The following PKD2 variants were observed in gnomAD, a reference collection of about 807,000 sequenced individuals.
PKD2 encodes the protein polycystin-2.
In PKD2, 48 loss-of-function variants were observed where a neutral mutation model predicts 105.9. The observed-to-expected ratio is 0.45, with a 90% CI of 0.36 to 0.58. The LOEUF is 0.58. PKD2 is among the 20% of genes least tolerant of loss of function. The pLI is 0.00. For missense variants in PKD2, 1,078 were observed against 1,255.3 expected (o/e 0.86, Z 2.13); for synonymous variants, 464 against 481.1 (o/e 0.96, Z 0.46).
Position 88,075,423 on chromosome 4 carries a change from C to G in PKD2, c.2671-35C>G, listed in dbSNP as rs1444255358. On this transcript the variant is annotated intron_variant, in intron 14 of 14. Coordinates refer to ENST00000237596, the MANE Select transcript of PKD2 (RefSeq NM_000297.4). ...GGACTTCCTAAGGCATTTCCTTCTACTGCCCCCAACACCAGTTTCTTTTTC... is the reference window on the plus strand; with the variant it reads ...GGACTTCCTAAGGCATTTCCTTCTAGTGCCCCCAACACCAGTTTCTTTTTC... 6 of 1,478,262 alleles carry G rather than the reference C, an allele frequency of 4.1e-6. No individual in the cohort carries two copies. The East Asian group carries it at 1.4e-4, about 33-fold the overall frequency. The allele number at this position is 1,478,262 out of a possible 1,614,324, so 91.6% of individuals were successfully genotyped here.
intron 4 of PKD2, among the ~76,000 whole-genome samples, chr4:88,039,770 T>G (rs1334886704): frequency 2.0e-5 from 3 of 152,022 alleles, no homozygotes; most frequent in African/African-American, 7.3e-5. Context: ...GATTTCGCTT[T>G]CTTTAAAAAA....
intron 2 of PKD2, among the ~76,000 whole-genome samples, chr4:88,032,804 A>G (rs1202164990): frequency 6.6e-6 from 1 of 152,180 alleles, no homozygotes; most frequent in Non-Finnish European, 1.5e-5. Context: ...GTCTTCACAT[A>G]TATTTCCCCA....
intron 9 of PKD2, 62 bp from the exon 10 acceptor site, chr4:88,061,844 G>T (rs1720585854): frequency 7.2e-6 from 6 of 827,776 alleles, no homozygotes; most frequent in South Asian, 2.7e-5. Flanking sequence ...TCATTTTTTT[G>T]ATTGATAATT....
intron 7 of PKD2, among the ~76,000 whole-genome samples, chr4:88,055,705 A>G (rs747213480): frequency 6.6e-6 from 1 of 151,154 alleles, no homozygotes; most frequent in South Asian, 2.1e-4. Context: ...TAAGTGTACA[A>G]TTCAGTGGCA....
At chr4:88,029,117 G>A (rs989877054) in intron 2 of PKD2, among the ~76,000 whole-genome samples, 1 of 152,106 alleles carries the variant, frequency 6.6e-6, no homozygotes, top group Non-Finnish European at 1.5e-5. Flanking sequence ...AAGGTCACGG[G>A]GGATGGCTCT....
intron 10 of PKD2, among the ~76,000 whole-genome samples, chr4:88,065,080 G>A (rs1168766276): frequency 6.6e-6 from 1 of 152,176 alleles, no homozygotes; most frequent in Non-Finnish European, 1.5e-5. Flanking sequence ...GAGGCAGACA[G>A]CTATAGCATA....
At position 88,008,120 on chromosome 4, in the gene PKD2, G is replaced by A; in HGVS notation, c.387G>A (p.Ser129=). The stretch of plus-strand genomic sequence containing the variant: ...GCAGCCGGAGGTCGGCCGCCTCCTC[G>A]GCCGTGAGCTCCGTGGGCGCGCGGA... ...RPGSRRSAAS[S]AVSSVGARSR... Residue 129 remains serine (S), a synonymous_variant, in exon 1 of 15, where the codon TCG becomes TCA. Coordinates refer to ENST00000237596, the MANE Select transcript of PKD2 (RefSeq NM_000297.4). The A allele has an allele frequency of 6.7e-7, 1 of 1,503,506 alleles. No homozygotes were observed. The highest frequency in any genetic ancestry group is 8.8e-7 in the Non-Finnish European group (1 of 1,131,090). 93.1% of individuals were successfully genotyped at this position (1,503,506 alleles called of 1,614,324 possible).
At chr4:88,061,242 TA>T (rs968692068) in intron 9 of PKD2, among the ~76,000 whole-genome samples, 1 of 152,204 alleles carries the variant, frequency 6.6e-6, no homozygotes, top group Non-Finnish European at 1.5e-5. Context: ...GTAGTGTATG[TA>T]AAAGTTTCTA....
chr4:88,040,242 A>G (rs906242904), intron 4 of PKD2, among the ~76,000 whole-genome samples: 7 of 152,126 alleles, frequency 4.6e-5, no homozygotes, highest in Non-Finnish European at 8.8e-5. Flanking sequence ...CCTCTTCCAT[A>G]TTAATTCCTC....
At chr4:88,016,153 C>T (rs919161864) in intron 1 of PKD2, among the ~76,000 whole-genome samples, 2 of 152,178 alleles carry the variant, frequency 1.3e-5, no homozygotes, top group Admixed American at 6.5e-5. Flanking sequence ...TTGCCTGCGG[C>T]TCACCTCCTG....
rs2725219 is a variant in PKD2, at chr4:88,038,809, T to C, written c.1094+308T>C. ...TTTAAGATGCCCTGGGCCCTGTTTT[T>C]ACAGGTGCAGTAACATCATCCACTA... On this transcript the variant is annotated intron_variant, in intron 4 of 14. Coordinates refer to ENST00000237596, the MANE Select transcript of PKD2 (RefSeq NM_000297.4). Among the ~76,000 whole-genome samples, 13,652 of 152,234 alleles carry C rather than the reference T, an allele frequency of 0.09. 749 individuals are homozygous for C. The highest frequency in any genetic ancestry group is 0.25 in the East Asian group (1,285 of 5,184).
chr4:88,027,913 T>C (rs1727013923), intron 2 of PKD2, among the ~76,000 whole-genome samples: 1 of 152,238 alleles, frequency 6.6e-6, no homozygotes, highest in Non-Finnish European at 1.5e-5. Context: ...GATTGTAAGT[T>C]TCCTGAGGTC....
At chr4:88,020,363 C>G (rs757894806) in intron 2 of PKD2, among the ~76,000 whole-genome samples, 4 of 152,108 alleles carry the variant, frequency 2.6e-5, no homozygotes, top group Admixed American at 6.6e-5. Flanking sequence ...ATTATTTCTT[C>G]TCAATCTTTA....
intron 13 of PKD2, among the ~76,000 whole-genome samples, chr4:88,069,286 T>C (rs1319684778): frequency 6.6e-6 from 1 of 152,164 alleles, no homozygotes; most frequent in Non-Finnish European, 1.5e-5. Context: ...AATCCATTCA[T>C]TTAATGTTAT....
chr4:88,019,329 T>TAAA, intron 1 of PKD2, 129 bp from the exon 2 acceptor site: 9 of 547,716 alleles, frequency 1.6e-5, no homozygotes, highest in East Asian at 3.1e-5. Flanking sequence ...AAAATGTGAT[T>TAAA]AAAAAAAAAA....
chr4:88,019,618 T>G, intron 2 of PKD2, 47 bp downstream of exon 2: 1 of 1,026,282 alleles, frequency 9.7e-7, no homozygotes, highest in Middle Eastern at 2.0e-4. Context: ...TTGAAAAGAT[T>G]TGACCTATCC....
At chr4:88,021,616 T>G (rs945715415) in intron 2 of PKD2, among the ~76,000 whole-genome samples, 12 of 152,244 alleles carry the variant, frequency 7.9e-5, no homozygotes, top group Non-Finnish European at 1.6e-4. Context: ...TTACTCATAC[T>G]GCCTCTGATT....
At chr4:88,070,625 GAGAA>G (rs1720995738) in intron 13 of PKD2, among the ~76,000 whole-genome samples, 2 of 146,832 alleles carry the variant, frequency 1.4e-5, no homozygotes, top group African/African-American at 2.5e-5. Context: ...GAGAGAGAGA[GAGAA>G]AGAGAGAGAG....
At chr4:88,034,544 T>C (rs1008611999) in intron 2 of PKD2, among the ~76,000 whole-genome samples, 1 of 151,834 alleles carries the variant, frequency 6.6e-6, no homozygotes, top group African/African-American at 2.4e-5. Flanking sequence ...AGCACATGCC[T>C]GTAATCCCAG....
Sources: allele counts gnomAD v4.1 joint callset (sites outside exome capture counted in the v4.1 genomes callset), GRCh38; gene constraint gnomAD v4.1.1; transcripts MANE v1.5; gene names NCBI Gene and HGNC (gene_info 2026-07-23, HGNC 2026-07-21).